Variants in FBLN1 observed in about 807,000 individuals in gnomAD.
FBLN1 encodes the protein fibulin 1, also known as fibulin-1.
A neutral mutation model predicts 89.7 loss-of-function variants in FBLN1; 34 were observed. The observed-to-expected ratio is 0.38, with a 90% CI of 0.29 to 0.50. The LOEUF is 0.50. Among genes scored for constraint, FBLN1 ranks in the 20% least tolerant of loss-of-function variants. The pLI is 0.92. For synonymous variants in FBLN1, 393 were observed against 391.3 expected, an observed-to-expected ratio of 1.00 and a Z score of -0.05; for missense variants, 777 against 988.1, an observed-to-expected ratio of 0.79 and a Z score of 2.86.
At chr22:45,503,286 C>T (rs2087972852) in intron 1 of FBLN1, 1 of 297,806 alleles carries the variant, frequency 3.4e-6, no homozygotes, top group Non-Finnish European at 6.2e-6. Flanking sequence ...AAACCGGATT[C>T]CCCCACCCCT....
Position 45,563,282 on chromosome 22 carries a change from C to T in FBLN1, c.1698-11229C>T, listed in dbSNP as rs776652726. On this transcript the variant is annotated intron_variant, in intron 14 of 16. Transcript: ENST00000327858. This position sits in a 1 kb window ranked among gnomAD's most constrained non-coding sequence, Gnocchi z 5.7. The stretch of plus-strand genomic sequence containing the variant: ...AGAGCTCTGAGCACTCGCTTCGCGT[C>T]GCGGGGTCTCCCTCCTGTTGCTTTC... 3.4e-5 allele frequency: 55 copies of T among 1,613,242 alleles called. No homozygotes were observed. The Admixed American group carries it at 4.7e-4, about 14-fold the overall frequency.
intron 14 of FBLN1, among the ~76,000 whole-genome samples, chr22:45,569,155 T>G (rs550906910): frequency 1.3e-5 from 2 of 152,290 alleles, no homozygotes; most frequent in African/African-American, 4.8e-5. Flanking sequence ...AAGGATGTAA[T>G]GCAAACCATG....
intron 4 of FBLN1, among the ~76,000 whole-genome samples, chr22:45,528,978 T>G (rs1372868598): frequency 6.6e-6 from 1 of 152,142 alleles, no homozygotes; most frequent in East Asian, 1.9e-4. Flanking sequence ...CTTCATCAGG[T>G]GCTGGGAGGA....
At chr22:45,543,346 G>C (rs1165457655) in intron 10 of FBLN1, 55 bp from the exon 11 acceptor site, 8 of 1,603,964 alleles carry the variant, frequency 5.0e-6, no homozygotes, top group African/African-American at 4.0e-5. Context: ...GGAGGGTGGA[G>C]TGTGGTGCCA....
At chr22:45,573,171 A>G (rs1255505958) in intron 14 of FBLN1, among the ~76,000 whole-genome samples, 1 of 151,910 alleles carries the variant, frequency 6.6e-6, no homozygotes, top group East Asian at 1.9e-4. Context: ...GGTTGCAGTG[A>G]GCTGAGATTG....
Position 45,574,387 on chromosome 22 carries a change from T to C in FBLN1, c.1698-124T>C, listed in dbSNP as rs2088975628. On this transcript the variant is annotated intron_variant, in intron 14 of 16. Transcript: ENST00000327858. This position sits in a 1 kb window ranked among gnomAD's most constrained non-coding sequence, Gnocchi z 4.1. ...TGCAGAGACCACTGTCGTTCTCTGA[T>C]GGAGCTGTCTCTGGGACAGATGCCC... 35 of 1,024,666 alleles carry C rather than the reference T, an allele frequency of 3.4e-5. No individual in the cohort carries two copies. The highest frequency in any genetic ancestry group is 1.9e-5 in the Admixed American group (1 of 51,310). The allele number at this position is 1,024,666 out of a possible 1,614,324, so 63.5% of individuals were successfully genotyped here. A position where few individuals can be genotyped will look rare whatever the true frequency, so the allele number is the denominator to read the frequency against.
intron 1 of FBLN1, among the ~76,000 whole-genome samples, chr22:45,504,226 G>C (rs2087987831): frequency 6.6e-6 from 1 of 151,488 alleles, no homozygotes; most frequent in Admixed American, 6.6e-5. Flanking sequence ...GCTGGAGGGG[G>C]AGGGGAGGCT....
intron 2 of FBLN1, among the ~76,000 whole-genome samples, chr22:45,519,532 G>C (rs1308988936): frequency 1.3e-5 from 2 of 150,882 alleles, no homozygotes; most frequent in Admixed American, 6.6e-5. Context: ...GCTGAGGCCA[G>C]AGAATTGCTT....
rs534582277 is a variant in FBLN1 at position 45,574,454 on chromosome 22, T to C, written c.1698-57T>C. ...CTCCTCCTCCCTAGACCTCGGCCCC[T>C]GTGGGAGCTGCTGTCCCAGCTTCCC... On this transcript the variant is annotated intron_variant, in intron 14 of 16. Transcript: ENST00000327858. This position sits in a 1 kb window ranked among gnomAD's most constrained non-coding sequence, Gnocchi z 4.1. The C allele has an allele frequency of 2.7e-4, 428 of 1,607,078 alleles. 1 individual carries two copies. Among genetic ancestry groups the C allele is most frequent in the Non-Finnish European group, 3.5e-4 (412 of 1,174,820 alleles).
In FBLN1 at chr22:45,536,541, G is replaced by T. The variant is rs1305730856; in HGVS notation, c.922+1204G>T. Among the ~76,000 whole-genome samples, 1 of 152,150 alleles carries T rather than the reference G, an allele frequency of 6.6e-6. No individual in the cohort carries two copies. Among genetic ancestry groups the T allele is most frequent in the African/African-American group, 2.4e-5 (1 of 41,444 alleles). ...GCACTTTGGGAGGCCGAGGAGGGTG[G>T]ATCACCTGAGGTCAGGAGTTTGAGA... On this transcript the variant is annotated intron_variant, in intron 8 of 16. Transcript: ENST00000327858. The surrounding 1 kb of genome is among the most constrained non-coding windows in gnomAD (Gnocchi z 5.1).
intron 16 of FBLN1, among the ~76,000 whole-genome samples, chr22:45,594,875 T>C (rs2089171357): frequency 6.6e-6 from 1 of 151,652 alleles, no homozygotes; most frequent in Admixed American, 6.6e-5. Context: ...GATGGACGGA[T>C]GGATGGATAG....
chr22:45,518,157 A>AT (rs938848511), intron 1 of FBLN1, among the ~76,000 whole-genome samples: 6 of 150,628 alleles, frequency 4.0e-5, no homozygotes, highest in African/African-American at 7.3e-5. Flanking sequence ...AAAAAAGAAA[A>AT]TTTTTTTTTC....
chr22:45,586,160 C>T (rs982887739), intron 16 of FBLN1, among the ~76,000 whole-genome samples: 2 of 152,220 alleles, frequency 1.3e-5, no homozygotes, highest in Admixed American at 6.5e-5. Context: ...CCTGCAGTAA[C>T]GTGGACAGCA....
Position 45,508,279 on chromosome 22 carries a change from C to T in FBLN1, c.79+5215C>T, listed in dbSNP as rs559475718. ...CCCTCACCAGCACACTGGACAGCCT[C>T]GCGTATCTTTTTTTTTGAGACGGAG... On this transcript the variant is annotated intron_variant, in intron 1 of 16. Transcript: ENST00000327858. 2.1e-4 allele frequency among the ~76,000 whole-genome samples: 15 copies of T among 71,916 alleles called. No individual in the cohort carries two copies. In the South Asian group the frequency reaches 2.4e-3, roughly 12 times the overall value. The allele number at this position is 71,916 out of a possible 152,430, so 47.2% of individuals were successfully genotyped here. A position where few individuals can be genotyped will look rare whatever the true frequency, so the allele number is the denominator to read the frequency against.
Position 45,549,714 on chromosome 22 carries a change from A to C in FBLN1, c.1574-778A>C, listed in dbSNP as rs2088676924. On this transcript the variant is annotated intron_variant, in intron 13 of 16. Coordinates refer to ENST00000327858, the MANE Select transcript of FBLN1 (RefSeq NM_006486.3). This position sits in a 1 kb window ranked among gnomAD's most constrained non-coding sequence, Gnocchi z 5.7. ...ATGCTCAGGCATTTGGCACCTCTTAATGGATGTCTCCCAGGGTTGGTGACA... is the reference window on the plus strand; with the variant it reads ...ATGCTCAGGCATTTGGCACCTCTTACTGGATGTCTCCCAGGGTTGGTGACA... Among the ~76,000 whole-genome samples, 1 of 152,048 alleles carries C rather than the reference A, an allele frequency of 6.6e-6. No homozygotes were observed. The highest frequency in any genetic ancestry group is 2.4e-5 in the African/African-American group (1 of 41,400).
Position 45,575,651 on chromosome 22 carries a change from C to G in FBLN1, c.1840+998C>G, listed in dbSNP as rs1443685843. On this transcript the variant is annotated intron_variant, in intron 15 of 16. Coordinates refer to ENST00000327858, the MANE Select transcript of FBLN1 (RefSeq NM_006486.3). This position sits in a 1 kb window ranked among gnomAD's most constrained non-coding sequence, Gnocchi z 6.3. Reference sequence around the variant, plus strand: ...CCAGTCAGTGCTCCCACACCCCAGCCTGGCTCTCTAGGAAGCTCCTGGCAT... The same window carrying G: ...CCAGTCAGTGCTCCCACACCCCAGCGTGGCTCTCTAGGAAGCTCCTGGCAT... 6.6e-6 allele frequency among the ~76,000 whole-genome samples: 1 copy of G among 152,174 alleles called. No homozygotes were observed. The highest frequency in any genetic ancestry group is 2.4e-5 in the African/African-American group (1 of 41,430).
At chr22:45,598,458 GC>G (rs2089204468) in intron 16 of FBLN1, among the ~76,000 whole-genome samples, 1 of 152,214 alleles carries the variant, frequency 6.6e-6, no homozygotes, top group Non-Finnish European at 1.5e-5. Context: ...ATAAATGTCA[GC>G]ACCCATAGGT....
chr22:45,570,051 C>T (rs889530330), intron 14 of FBLN1, among the ~76,000 whole-genome samples: 1 of 151,714 alleles, frequency 6.6e-6, no homozygotes, highest in African/African-American at 2.4e-5. Context: ...AAAAATGGGG[C>T]CGGGTGCCCT....
chr22:45,529,413 G>C (rs2088373597), intron 4 of FBLN1, among the ~76,000 whole-genome samples: 1 of 152,248 alleles, frequency 6.6e-6, no homozygotes, highest in Non-Finnish European at 1.5e-5. Flanking sequence ...AGGAGACTTT[G>C]TGGCTGTCCA....
Sources: gnomAD v4.1 joint callset for allele counts (sites outside exome capture counted in the v4.1 genomes callset) on GRCh38, gnomAD v4.1.1 for gene constraint, Gnocchi (gnomAD v3.1) non-coding constraint, MANE v1.5 for transcripts, NCBI Gene and HGNC (gene_info 2026-07-23, HGNC 2026-07-21) for gene names.